Variants in SEMA6A observed in about 807,000 individuals in gnomAD.
The protein encoded by SEMA6A is semaphorin 6A.
Under a neutral mutation model 96.8 loss-of-function variants are expected in SEMA6A, and 25 were observed. That is an observed-to-expected ratio of 0.26 (90% CI 0.19 to 0.36). SEMA6A has a LOEUF of 0.36. Among genes scored for constraint, SEMA6A ranks in the 10% least tolerant of loss-of-function variants. The pLI is 1.00. For synonymous variants in SEMA6A, 612 were observed against 518.0 expected (o/e 1.18, Z -2.46); for missense variants, 1,363 against 1,323.1 (o/e 1.03, Z -0.47).
rs550732000 is a variant in SEMA6A at position 116,467,532 on chromosome 5, C to T, written c.1894+51G>A. The T allele has an allele frequency of 1.4e-5, 22 of 1,549,090 alleles. No individual in the cohort carries two copies. The East Asian group carries it at 1.6e-4, about 11-fold the overall frequency. ...CTGGAAGCAGTTACACAGTCCTCCCCACTTTTCCCTCCCTCTCCCCCGAGA... is the reference window on the plus strand; with the variant it reads ...CTGGAAGCAGTTACACAGTCCTCCCTACTTTTCCCTCCCTCTCCCCCGAGA... On this transcript the variant is annotated intron_variant, in intron 18 of 18. Transcript: ENST00000343348.
At chr5:116,459,424 C>G (rs1284478848) in intron 18 of SEMA6A, among the ~76,000 whole-genome samples, 2 of 152,124 alleles carry the variant, frequency 1.3e-5, no homozygotes. Context: ...CAACGTCTAC[C>G]TTCCCATCCT....
intron 1 of SEMA6A, among the ~76,000 whole-genome samples, chr5:116,530,435 GTT>G (rs1283780473): frequency 3.3e-5 from 5 of 152,048 alleles, no homozygotes; most frequent in African/African-American, 1.2e-4. Context: ...CCTTTCCCAT[GTT>G]CCCATCAGAG....
intron 1 of SEMA6A, among the ~76,000 whole-genome samples, chr5:116,521,262 C>A (rs1758935360): frequency 6.6e-6 from 1 of 152,200 alleles, no homozygotes; most frequent in Non-Finnish European, 1.5e-5. Flanking sequence ...GACTGTCAAG[C>A]ACTGGCTTGT....
chr5:116,526,895 A>G (rs920500689), intron 1 of SEMA6A, among the ~76,000 whole-genome samples: 7 of 152,204 alleles, frequency 4.6e-5, no homozygotes, highest in African/African-American at 9.6e-5. Context: ...TTCACATTCT[A>G]TGAAATCCCT....
At chr5:116,485,928 C>A (rs1268170992) in intron 10 of SEMA6A, among the ~76,000 whole-genome samples, 1 of 152,206 alleles carries the variant, frequency 6.6e-6, no homozygotes, top group African/African-American at 2.4e-5. Context: ...TGCTTATCTT[C>A]CTTCTGTTCT....
chr5:116,510,247 T>C (rs1399484039), intron 1 of SEMA6A, among the ~76,000 whole-genome samples: 1 of 152,140 alleles, frequency 6.6e-6, no homozygotes, highest in Non-Finnish European at 1.5e-5. Flanking sequence ...TATTTAGACT[T>C]CAGTTGAGTT....
At chr5:116,478,190 C>G (rs1222539970) in intron 13 of SEMA6A, 36 bp from the exon 14 acceptor site, 2 of 1,606,070 alleles carry the variant, frequency 1.2e-6, no homozygotes, top group African/African-American at 2.7e-5. Flanking sequence ...CATTAATAGA[C>G]TCTTCTCTTT....
intron 10 of SEMA6A, among the ~76,000 whole-genome samples, chr5:116,486,246 T>G (rs1462548805): frequency 6.6e-6 from 1 of 152,284 alleles, no homozygotes. Flanking sequence ...TTAATACATT[T>G]CCAATGTTTT....
At chr5:116,495,003 G>T (rs952327481) in intron 6 of SEMA6A, among the ~76,000 whole-genome samples, 13 of 152,192 alleles carry the variant, frequency 8.5e-5, no homozygotes, top group Admixed American at 5.9e-4. Context: ...AAAGTCTACG[G>T]TTTCAAATGC....
At chr5:116,496,134 A>G (rs1757589288) in intron 5 of SEMA6A, 117 bp downstream of exon 5, 3 of 856,922 alleles carry the variant, frequency 3.5e-6, no homozygotes, top group South Asian at 3.2e-5. Context: ...GAAAAAAGCA[A>G]TTACTGAGGG....
intron 1 of SEMA6A, among the ~76,000 whole-genome samples, chr5:116,506,369 T>A (rs1758146712): frequency 6.6e-6 from 1 of 152,242 alleles, no homozygotes; most frequent in South Asian, 2.1e-4. Flanking sequence ...AACAATTCCA[T>A]GTCTCCATCT....
chr5:116,475,766 T>C (rs933746681), intron 15 of SEMA6A, among the ~76,000 whole-genome samples, 163 bp from the exon 16 acceptor site: 2 of 152,168 alleles, frequency 1.3e-5, no homozygotes, highest in African/African-American at 2.4e-5. Context: ...CTGAAGTTTA[T>C]AGAAACGAGT....
chr5:116,531,578 C>G (rs947707652), intron 1 of SEMA6A, among the ~76,000 whole-genome samples: 8 of 152,156 alleles, frequency 5.3e-5, no homozygotes, highest in Admixed American at 2.0e-4. Flanking sequence ...TAGTGATTCC[C>G]AAGTTTCTCT....
intron 10 of SEMA6A, among the ~76,000 whole-genome samples, chr5:116,483,275 A>G (rs1436622880): frequency 6.6e-6 from 1 of 152,176 alleles, no homozygotes; most frequent in Non-Finnish European, 1.5e-5. Context: ...TTCTTTTTTT[A>G]ATCAATGATG....
At chr5:116,544,350 G>A (rs1276240330) in intron 1 of SEMA6A, among the ~76,000 whole-genome samples, 1 of 152,122 alleles carries the variant, frequency 6.6e-6, no homozygotes, top group Non-Finnish European at 1.5e-5. Flanking sequence ...GTGTAGTATA[G>A]CATGATCATG....
intron 12 of SEMA6A, 45 bp from the exon 13 acceptor site, chr5:116,478,763 A>G: frequency 6.3e-7 from 1 of 1,583,378 alleles, no homozygotes; most frequent in Non-Finnish European, 8.6e-7. Flanking sequence ...TTGGTCTATC[A>G]TTAAAGTGTT....
intron 10 of SEMA6A, among the ~76,000 whole-genome samples, chr5:116,483,481 G>C (rs2112705430): frequency 6.6e-6 from 1 of 152,326 alleles, no homozygotes; most frequent in South Asian, 2.1e-4. Flanking sequence ...GTGCCCTGCA[G>C]TGTGGGAACA....
chr5:116,516,055 T>C (rs1376843951), intron 1 of SEMA6A, among the ~76,000 whole-genome samples: 1 of 152,208 alleles, frequency 6.6e-6, no homozygotes, highest in Non-Finnish European at 1.5e-5. Context: ...CATCAGGTCC[T>C]TTGGTGTTTG....
chr5:116,543,008 CACAG>C (rs1212898484), intron 1 of SEMA6A, among the ~76,000 whole-genome samples: 9 of 152,156 alleles, frequency 5.9e-5, no homozygotes, highest in African/African-American at 2.2e-4. Flanking sequence ...TTTGAATACT[CACAG>C]AGCTCAAATA....
Sources: gnomAD v4.1 joint callset for allele counts (sites outside exome capture counted in the v4.1 genomes callset) on GRCh38, gnomAD v4.1.1 for gene constraint, MANE v1.5 for transcripts, NCBI Gene and HGNC (gene_info 2026-07-23, HGNC 2026-07-21) for gene names.